The following CFAP47 variants were observed in gnomAD, a reference collection of about 807,000 sequenced individuals.
CFAP47 encodes the protein cilia and flagella associated protein 47.
A neutral mutation model predicts 148.1 loss-of-function variants in CFAP47; 29 were observed. The observed-to-expected ratio is 0.20, with a 90% CI of 0.15 to 0.27. CFAP47 has a LOEUF of 0.27. Ranked by LOEUF, CFAP47 falls within the 10% of genes least tolerant of loss-of-function variation. The probability of loss-of-function intolerance (pLI) is 1.00; values close to 1 mark genes in which losing one functional copy is unlikely to be tolerated. For missense variants in CFAP47, 1,872 were observed against 1,697.5 expected, an observed-to-expected ratio of 1.10 and a Z score of -1.81; for synonymous variants, 664 against 577.3, an observed-to-expected ratio of 1.15 and a Z score of -2.15.
At chrX:36,242,468 C>A (rs782301839) in intron 48 of CFAP47, among the ~76,000 whole-genome samples, 1 of 111,549 alleles carries the variant, frequency 9.0e-6, no homozygotes, top group East Asian at 2.9e-4. Flanking sequence ...GTGAAATAAC[C>A]ATTTTAAGAA....
chrX:36,263,396 G>A (rs782542681), intron 49 of CFAP47, among the ~76,000 whole-genome samples: 1 of 111,780 alleles, frequency 8.9e-6, no homozygotes, highest in East Asian at 2.8e-4. Context: ...AAAACTGCTT[G>A]GTTTCTGTAA....
intron 23 of CFAP47, among the ~76,000 whole-genome samples, chrX:36,033,406 T>C (rs1041751089): frequency 1.8e-5 from 2 of 111,715 alleles, no homozygotes; most frequent in Admixed American, 1.9e-4. Context: ...CTGAACAAAT[T>C]AACCAATATT....
rs782654779 is a variant in CFAP47 at position 36,216,988 on chromosome X, G to C, written c.6818-11640G>C. 3.6e-5 allele frequency among the ~76,000 whole-genome samples: 4 copies of C among 111,955 alleles called. No individual in the cohort carries two copies. The South Asian group carries it at 1.5e-3, about 42-fold the overall frequency. On this transcript the variant is annotated intron_variant, in intron 45 of 63. Transcript: ENST00000378653. ...GGCAGTCTTGTCCCCAGGTAGGAAG[G>C]GGATTTGTTTTGGGAAACAGCTGTT...
intron 51 of CFAP47, among the ~76,000 whole-genome samples, chrX:36,292,652 GA>G (rs1556005751): frequency 1.8e-5 from 2 of 111,564 alleles, no homozygotes; most frequent in Non-Finnish European, 3.8e-5. Flanking sequence ...GACCAAGCAG[GA>G]AATGATGAAG....
At chrX:36,027,192 A>T (rs778717304) in intron 22 of CFAP47, among the ~76,000 whole-genome samples, 1 of 105,357 alleles carries the variant, frequency 9.5e-6, no homozygotes, top group African/African-American at 3.5e-5. Flanking sequence ...TTATATATAT[A>T]CACATAAATA....
rs1556007317 is a variant in CFAP47 at position 36,298,962 on chromosome X, G to T, written c.7687-15G>T. 1.1e-5 allele frequency: 12 copies of T among 1,093,787 alleles called. 1 individual carries two copies. In the Middle Eastern group the frequency reaches 7.9e-4, roughly 72 times the overall value. 90.1% of individuals were successfully genotyped at this position (1,093,787 alleles called of 1,213,427 possible). A position where few individuals can be genotyped will look rare whatever the true frequency, so the allele number is the denominator to read the frequency against. On this transcript the variant is annotated splice_polypyrimidine_tract_variant and intron_variant, in intron 51 of 63. Coordinates refer to ENST00000378653, the MANE Select transcript of CFAP47 (RefSeq NM_001304548.2). ...GACACTAAAAGTTGATTACATATTT[G>T]TTGTATAATTCTAGGACAGCACTTG...
Position 36,001,671 on chromosome X carries a change from A to G in CFAP47, c.3381A>G (p.Thr1127=), listed in dbSNP as rs928163386. ...ATTCTTTGGAATTAGAGGAAAATAC[A>G]TCTCTGGAATGTAGCATAACATTTT... ...YIYSLELEEN[T]SLECSITFSP... The change falls in exon 21 of 64, where the codon ACA becomes ACG. Residue 1127 remains threonine (T), a synonymous_variant. Coordinates refer to ENST00000378653, the MANE Select transcript of CFAP47 (RefSeq NM_001304548.2). The G allele has an allele frequency of 4.1e-5, 12 of 294,747 alleles. No homozygotes were observed. Among genetic ancestry groups the G allele is most frequent in the Non-Finnish European group, 7.1e-5 (12 of 169,025 alleles). The allele number at this position is 294,747 out of a possible 1,213,427, so 24.3% of individuals were successfully genotyped here.
At chrX:36,285,534 G>T in intron 50 of CFAP47, 95 bp from the exon 51 acceptor site, 2 of 429,165 alleles carry the variant, frequency 4.7e-6, no homozygotes, top group Admixed American at 8.1e-5. Flanking sequence ...TAAACAAAAA[G>T]GTTGAAAATG....
intron 46 of CFAP47, among the ~76,000 whole-genome samples, chrX:36,235,663 G>C (rs1351537974): frequency 8.9e-6 from 1 of 112,162 alleles, no homozygotes; most frequent in East Asian, 2.8e-4. Flanking sequence ...CTAGTGAGAT[G>C]AACCCGGTAC....
At chrX:36,236,123 T>A (rs963374441) in intron 47 of CFAP47, 46 bp downstream of exon 47, 1 of 404,114 alleles carries the variant, frequency 2.5e-6, no homozygotes, top group Non-Finnish European at 4.4e-6. Context: ...AATAGTATCA[T>A]TAGTTAATAA....
chrX:36,384,689 C>G (rs1464539004), intron 63 of CFAP47, 108 bp from the exon 64 acceptor site: 1 of 529,393 alleles, frequency 1.9e-6, no homozygotes, highest in Non-Finnish European at 3.1e-6. Context: ...TGTACCTTTT[C>G]CATACTCTAC....
At position 36,175,383 on chromosome X, in the gene CFAP47, T is replaced by C. The variant is rs758004830; in HGVS notation, c.6027-3962T>C. Among the ~76,000 whole-genome samples, 1,071 of 112,188 alleles carry C rather than the reference T, an allele frequency of 9.5e-3. 12 individuals are homozygous for C. The highest frequency in any genetic ancestry group is 0.031 in the African/African-American group (963 of 30,884). ...GGAGGAGGAGAGGCGCTCTGCTTTT[T>C]AGAGTTTCCAGTTTTTCTGCTCTGT... On this transcript the variant is annotated intron_variant, in intron 39 of 63. Transcript: ENST00000378653.
At chrX:36,303,542 C>T (rs1941319210) in intron 53 of CFAP47, among the ~76,000 whole-genome samples, 2 of 109,785 alleles carry the variant, frequency 1.8e-5, no homozygotes, top group Non-Finnish European at 3.8e-5. Flanking sequence ...TGAGATACAT[C>T]ACTCTAATCT....
At chrX:36,295,203 A>G (rs1318696451) in intron 51 of CFAP47, among the ~76,000 whole-genome samples, 1 of 112,513 alleles carries the variant, frequency 8.9e-6, no homozygotes, top group African/African-American at 3.2e-5. Context: ...ATGTTCAGCC[A>G]TTACTGTTTT....
chrX:36,331,689 AT>A (rs1371483912), intron 57 of CFAP47, among the ~76,000 whole-genome samples: 3 of 111,315 alleles, frequency 2.7e-5, no homozygotes, highest in Non-Finnish European at 5.7e-5. Flanking sequence ...TTTCCAACAC[AT>A]TAGTAAATAC....
intron 62 of CFAP47, among the ~76,000 whole-genome samples, chrX:36,371,758 A>G (rs868937048): frequency 2.0e-5 from 1 of 50,192 alleles, no homozygotes; most frequent in Non-Finnish European, 3.2e-5. Context: ...ATATACACAC[A>G]TGTGTGTATA....
chrX:36,339,072 G>T (rs1351870898), intron 57 of CFAP47, among the ~76,000 whole-genome samples: 1 of 111,975 alleles, frequency 8.9e-6, no homozygotes, highest in Non-Finnish European at 1.9e-5. Flanking sequence ...TTATTATAAT[G>T]CACAACACAT....
intron 37 of CFAP47, among the ~76,000 whole-genome samples, chrX:36,156,742 C>G (rs1443451466): frequency 9.0e-6 from 1 of 110,872 alleles, no homozygotes; most frequent in Non-Finnish European, 1.9e-5. Context: ...GAAACTTACT[C>G]TAAGTAGACT....
At position 35,923,813 on chromosome X, in the gene CFAP47, C is replaced by T. The variant is rs746238326; in HGVS notation, c.250-2204C>T. Among the ~76,000 whole-genome samples, 83 of 94,640 alleles carry T rather than the reference C, an allele frequency of 8.8e-4. 1 individual carries two copies. The highest frequency in any genetic ancestry group is 3.1e-3 in the African/African-American group (76 of 24,229). 82.2% of individuals were successfully genotyped at this position (94,640 alleles called of 115,157 possible). A position where few individuals can be genotyped will look rare whatever the true frequency, so the allele number is the denominator to read the frequency against. ...CCAGCCTGGCGACAGAACGAGAATC[C>T]GTCTGAAAAAAAAAAGTGTATATAT... On this transcript the variant is annotated intron_variant, in intron 1 of 63. Coordinates refer to ENST00000378653, the MANE Select transcript of CFAP47 (RefSeq NM_001304548.2).
Sources: gnomAD v4.1 joint callset for allele counts (sites outside exome capture counted in the v4.1 genomes callset) on GRCh38, gnomAD v4.1.1 for gene constraint, MANE v1.5 for transcripts, NCBI Gene and HGNC (gene_info 2026-07-23, HGNC 2026-07-21) for gene names.